Variants in ARHGAP5 observed in about 807,000 individuals in gnomAD.
ARHGAP5 encodes the protein rho GTPase-activating protein 5.
In ARHGAP5, 23 loss-of-function variants were observed where a neutral mutation model predicts 116.6. That is an observed-to-expected ratio of 0.20 (90% CI 0.14 to 0.28). ARHGAP5 has a LOEUF of 0.28. Ranked by LOEUF, ARHGAP5 falls within the 10% of genes least tolerant of loss-of-function variation. The pLI is 1.00. For synonymous variants in ARHGAP5, 574 were observed against 602.0 expected (o/e 0.95, Z 0.68); for missense variants, 1,405 against 1,774.8 (o/e 0.79, Z 3.74).
At chr14:32,127,775 G>T (rs112482513) in intron 3 of ARHGAP5, among the ~76,000 whole-genome samples, 1 of 144,612 alleles carries the variant, frequency 6.9e-6, no homozygotes, top group African/African-American at 2.6e-5. Flanking sequence ...CCCCACCCCC[G>T]AGACAGGGCG....
intron 3 of ARHGAP5, among the ~76,000 whole-genome samples, chr14:32,145,496 G>T (rs181315065): frequency 2.0e-5 from 3 of 152,200 alleles, no homozygotes; most frequent in Admixed American, 2.0e-4. Context: ...TTAGTTTTGG[G>T]TATGGTGGTG....
intron 3 of ARHGAP5, 97 bp downstream of exon 3, chr14:32,117,384 T>TCATTATTAG: frequency 8.7e-7 from 1 of 1,149,990 alleles, no homozygotes; most frequent in East Asian, 2.5e-5. Flanking sequence ...AATATAGTTC[T>TCATTATTAG]CATTATTAGG....
intron 3 of ARHGAP5, among the ~76,000 whole-genome samples, chr14:32,131,837 T>C (rs1483963025): frequency 6.6e-6 from 1 of 152,196 alleles, no homozygotes. Flanking sequence ...ATGCGGTGTT[T>C]GGTTTTTTGT....
intron 2 of ARHGAP5, 49 bp downstream of exon 2, chr14:32,094,435 C>G (rs1358871880): frequency 7.3e-7 from 1 of 1,365,878 alleles, no homozygotes; most frequent in Non-Finnish European, 1.0e-6. Context: ...CTTGTTGTTA[C>G]TTTTTTAAAA....
In ARHGAP5 at chr14:32,112,457, G is replaced by A. The variant is rs183690544; in HGVS notation, c.3718-4683G>A. Among the ~76,000 whole-genome samples, 195 of 152,274 alleles carry A rather than the reference G, an allele frequency of 1.3e-3. 1 individual carries two copies. Among genetic ancestry groups the A allele is most frequent in the African/African-American group, 4.3e-3 (180 of 41,562 alleles). On this transcript the variant is annotated intron_variant, in intron 2 of 6. Transcript: ENST00000345122. ...CTTAAAGAGATGTAATTGCTGAATG[G>A]AATGTTTGTTTTACTGTGATGTGCT...
intron 3 of ARHGAP5, among the ~76,000 whole-genome samples, chr14:32,136,732 A>G (rs1270513766): frequency 6.6e-6 from 1 of 152,188 alleles, no homozygotes; most frequent in African/African-American, 2.4e-5. Flanking sequence ...TCAGCAGTGT[A>G]CAGGTGTTTC....
rs977880497 is a variant in ARHGAP5 at position 32,133,245 on chromosome 14, A to G, written c.3866-13018A>G. Among the ~76,000 whole-genome samples, 468 of 152,114 alleles carry G rather than the reference A, an allele frequency of 3.1e-3. 1 individual carries two copies. The highest frequency in any genetic ancestry group is 0.011 in the African/African-American group (448 of 41,500). On this transcript the variant is annotated intron_variant, in intron 3 of 6. Transcript: ENST00000345122. The stretch of plus-strand genomic sequence containing the variant: ...ATGGAATGTTCTTCCATTTGTTTGT[A>G]TCCTCTTTTATTTCCTTGAGCAGTG...
At chr14:32,098,862 G>A (rs1878656059) in intron 2 of ARHGAP5, among the ~76,000 whole-genome samples, 3 of 152,158 alleles carry the variant, frequency 2.0e-5, no homozygotes. Flanking sequence ...AGAGATTTTT[G>A]TTATTTAGCC....
At chr14:32,123,436 A>T (rs1446531821) in intron 3 of ARHGAP5, among the ~76,000 whole-genome samples, 1 of 151,832 alleles carries the variant, frequency 6.6e-6, no homozygotes. Flanking sequence ...TATACCCATT[A>T]TATTGATGTT....
Position 32,092,535 on chromosome 14 carries a change from G to A in ARHGAP5, c.1866G>A (p.Glu622=). The A allele has an allele frequency of 6.2e-7, 1 of 1,613,860 alleles. No homozygotes were observed. Among genetic ancestry groups the A allele is most frequent in the East Asian group, 2.2e-5 (1 of 44,884 alleles). ...NEIRTQSTDD[E]YALDGKIYEL... is the part of the protein sequence containing the mutation. ...TAAGGACACAATCCACTGATGATGA[G>A]TATGCCTTAGATGGAAAAATTTATG... The change falls in exon 2 of 7, where the codon GAG becomes GAA. Residue 622 remains glutamate (E), a synonymous_variant. Coordinates refer to ENST00000345122, the MANE Select transcript of ARHGAP5 (RefSeq NM_001030055.2). The surrounding 1 kb of genome is among the most constrained non-coding windows in gnomAD (Gnocchi z 4.1).
chr14:32,147,639 C>T (rs1881437743), intron 4 of ARHGAP5, among the ~76,000 whole-genome samples: 1 of 152,140 alleles, frequency 6.6e-6, no homozygotes, highest in African/African-American at 2.4e-5. Flanking sequence ...TTACAAGGCT[C>T]TTCCTTGCAG....
At chr14:32,121,725 T>C (rs984225713) in intron 3 of ARHGAP5, among the ~76,000 whole-genome samples, 5 of 152,290 alleles carry the variant, frequency 3.3e-5, no homozygotes, top group Non-Finnish European at 2.9e-5. Flanking sequence ...CAAGAAGAAA[T>C]ACTATACTGA....
At position 32,089,716 on chromosome 14, in the gene ARHGAP5, C is replaced by T. The variant is rs796775088; in HGVS notation, c.-168-786C>T. Reference sequence around the variant, plus strand: ...AGGAAGTATATCCAGAAATTAAGAGCGTTTAGGAACAGTTTGGCAGTTTTA... The same window carrying T: ...AGGAAGTATATCCAGAAATTAAGAGTGTTTAGGAACAGTTTGGCAGTTTTA... On this transcript the variant is annotated intron_variant, in intron 1 of 6. Coordinates refer to ENST00000345122, the MANE Select transcript of ARHGAP5 (RefSeq NM_001030055.2). Among the ~76,000 whole-genome samples the T allele has an allele frequency of 9.2e-5, 14 of 151,766 alleles. No individual in the cohort carries two copies. The South Asian group carries it at 1.5e-3, about 16-fold the overall frequency.
At chr14:32,117,485 C>T (rs1042335484) in intron 3 of ARHGAP5, among the ~76,000 whole-genome samples, 198 bp downstream of exon 3, 7 of 152,132 alleles carry the variant, frequency 4.6e-5, no homozygotes, top group Admixed American at 1.3e-4. Flanking sequence ...TATTGGACTT[C>T]TCTTGAAGTA....
chr14:32,115,866 G>A (rs369005200), intron 2 of ARHGAP5, among the ~76,000 whole-genome samples: 6 of 151,380 alleles, frequency 4.0e-5, no homozygotes, highest in African/African-American at 1.5e-4. Flanking sequence ...GTGGTGGCAG[G>A]CGCCTGTAGT....
chr14:32,150,214 C>T (rs1414035844), intron 5 of ARHGAP5, among the ~76,000 whole-genome samples, 181 bp downstream of exon 5: 1 of 152,140 alleles, frequency 6.6e-6, no homozygotes, highest in Non-Finnish European at 1.5e-5. Flanking sequence ...AGATGGCCTC[C>T]AGGAATATTC....
Position 32,092,411 on chromosome 14 carries a change from A to C in ARHGAP5, c.1742A>C (p.His581Pro). ...LLASSLLQLD[H>P]GRLRLYHDST... Reference sequence around the variant, plus strand: ...GCTAGTAGTCTTTTACAGTTGGATCATGGCCGCTTAAGATTATATCACGAT... The same window carrying C: ...GCTAGTAGTCTTTTACAGTTGGATCCTGGCCGCTTAAGATTATATCACGAT... The change falls in exon 2 of 7, where the codon CAT becomes CCT. Residue 581 changes from histidine (H) to proline (P), a missense_variant. By Grantham distance (77) the His-to-Pro change is moderately conservative. This residue lies in a region of ARHGAP5 where 944 missense variants were observed against 1,095.3 expected (regional missense o/e 0.86). Transcript: ENST00000345122. This position sits in a 1 kb window ranked among gnomAD's most constrained non-coding sequence, Gnocchi z 4.1. The C allele has an allele frequency of 6.2e-7, 1 of 1,613,594 alleles. No homozygotes were observed. Among genetic ancestry groups the C allele is most frequent in the Non-Finnish European group, 8.5e-7 (1 of 1,179,762 alleles).
Position 32,148,349 on chromosome 14 carries a change from G to A in ARHGAP5, c.3944-1553G>A, listed in dbSNP as rs181745458. ...TTTGACTTTCTTGTTTTGTTTTCTC[G>A]TCCTGCCACCACTGCCACTATTTTT... On this transcript the variant is annotated intron_variant, in intron 4 of 6. Transcript: ENST00000345122. 2.3e-3 allele frequency among the ~76,000 whole-genome samples: 351 copies of A among 151,956 alleles called. 2 individuals carry two copies. The highest frequency in any genetic ancestry group is 7.9e-3 in the African/African-American group (329 of 41,436).
chr14:32,124,249 A>C (rs1275484711), intron 3 of ARHGAP5, among the ~76,000 whole-genome samples: 1 of 152,092 alleles, frequency 6.6e-6, no homozygotes, highest in Non-Finnish European at 1.5e-5. Flanking sequence ...AACTGTGATT[A>C]ATGTTCATGT....
Sources: allele counts gnomAD v4.1 joint callset (sites outside exome capture counted in the v4.1 genomes callset), GRCh38; gene constraint gnomAD v4.1.1; regional missense constraint gnomAD v4.1.1; non-coding constraint Gnocchi (gnomAD v3.1); transcripts MANE v1.5; gene names NCBI Gene and HGNC (gene_info 2026-07-23, HGNC 2026-07-21).